CNIH2: variants seen among roughly 807,000 people sequenced by gnomAD.
The protein encoded by CNIH2 is protein cornichon homolog 2.
A neutral mutation model predicts 22.9 loss-of-function variants in CNIH2; 8 were observed. The observed-to-expected ratio is 0.35, with a 90% confidence interval of 0.20 to 0.63. The LOEUF (loss-of-function observed/expected upper bound fraction) is 0.63. Among genes scored for constraint, CNIH2 ranks in the 30% least tolerant of loss-of-function variants. The probability of loss-of-function intolerance (pLI) is 0.72; values close to 1 mark genes in which losing one functional copy is unlikely to be tolerated. For synonymous variants in CNIH2, 74 were observed against 78.2 expected, an observed-to-expected ratio of 0.95 and a Z score of 0.28; for missense variants, 105 against 206.2, an observed-to-expected ratio of 0.51 and a Z score of 3.01.
At chr11:66,278,783 C>T (rs1044353419) in intron 1 of CNIH2, among the ~76,000 whole-genome samples, 1 of 150,296 alleles carries the variant, frequency 6.7e-6, no homozygotes, top group African/African-American at 2.5e-5. Context: ...CCTCTGCCCT[C>T]GTCCTCTGCT....
At chr11:66,282,428 G>GTCTT in intron 2 of CNIH2, 101 bp downstream of exon 2, 1 of 713,854 alleles carries the variant, frequency 1.4e-6, no homozygotes. Context: ...TGGGGTGGGG[G>GTCTT]GCCTACGGCC....
chr11:66,278,920 C>CG (rs937860660), intron 1 of CNIH2, among the ~76,000 whole-genome samples: 1 of 97,554 alleles, frequency 1.0e-5, no homozygotes, highest in African/African-American at 3.7e-5. Context: ...CTGCTGCCCC[C>CG]CCCCCCCCGC....
At chr11:66,279,750 T>C (rs1364339207) in intron 1 of CNIH2, among the ~76,000 whole-genome samples, 4 of 152,082 alleles carry the variant, frequency 2.6e-5, no homozygotes, top group Non-Finnish European at 5.9e-5. Context: ...CACCTTGCTC[T>C]TTGACATCGG....
intron 1 of CNIH2, among the ~76,000 whole-genome samples, chr11:66,279,758 C>T (rs866760652): frequency 1.3e-4 from 20 of 152,088 alleles, no homozygotes; most frequent in South Asian, 2.1e-4. Context: ...TCTTTGACAT[C>T]GGGAATCCAT....
rs749268222 is a variant in CNIH2 at position 66,283,523 on chromosome 11, T to G, written c.456-47T>G. ...GGGTGTGACCAGGTGGGCATCTGGG[T>G]GGCTGTGTGTGTGCAGGGCTAGGCT... On this transcript the variant is annotated intron_variant, in intron 5 of 5. Transcript: ENST00000311445. 29 of 1,606,164 alleles carry G rather than the reference T, an allele frequency of 1.8e-5. No homozygotes were observed. The South Asian group carries it at 2.3e-4, about 13-fold the overall frequency.
intron 1 of CNIH2, 123 bp from the exon 2 acceptor site, chr11:66,282,130 CTCGGTT>C: frequency 1.2e-6 from 1 of 800,474 alleles, no homozygotes; most frequent in Admixed American, 2.0e-5. Context: ...CTCCCTGGAC[CTCGGTT>C]TCTCCACCTT....
chr11:66,282,429 G>GGGGGGGGGGGGCT, intron 2 of CNIH2, 102 bp downstream of exon 2: 1 of 479,466 alleles, frequency 2.1e-6, no homozygotes, highest in Non-Finnish European at 4.2e-6. Flanking sequence ...GGGGTGGGGG[G>GGGGGGGGGGGGCT]CCTACGGCCA....
chr11:66,282,429 G>GGGGGGGGGGGGGGGGGGGGGGGGGGGGGC, intron 2 of CNIH2, 102 bp downstream of exon 2: 1 of 479,464 alleles, frequency 2.1e-6, no homozygotes, highest in East Asian at 5.8e-5. Flanking sequence ...GGGGTGGGGG[G>GGGGGGGGGGGGGGGGGGGGGGGGGGGGGC]CCTACGGCCA....
chr11:66,280,969 C>T (rs947336617), intron 1 of CNIH2, among the ~76,000 whole-genome samples: 1 of 152,206 alleles, frequency 6.6e-6, no homozygotes, highest in African/African-American at 2.4e-5. Flanking sequence ...CCCATCCCAT[C>T]ATCCCCTCAA....
intron 1 of CNIH2, among the ~76,000 whole-genome samples, chr11:66,282,002 G>A (rs1590891907): frequency 6.6e-6 from 1 of 152,118 alleles, no homozygotes; most frequent in Non-Finnish European, 1.5e-5. Flanking sequence ...GGGCAGACAC[G>A]AAGCCATGTC....
rs1232633868 is a variant in CNIH2 at position 66,283,275 on chromosome 11, T to C, written c.339T>C (p.Ser113=). 1.2e-6 allele frequency: 2 copies of C among 1,613,956 alleles called. No individual in the cohort carries two copies. The highest frequency in any genetic ancestry group is 2.2e-5 in the East Asian group (1 of 44,880). The part of the protein sequence containing the change: ...WRYFHRPADG[S]EVMYDAVSIM... Reference sequence around the variant, plus strand: ...ACTTCCACCGTCCTGCAGATGGCTCTGAGGTCATGTATGATGCGGTCTCCA... The same window carrying C: ...ACTTCCACCGTCCTGCAGATGGCTCCGAGGTCATGTATGATGCGGTCTCCA... Residue 113 remains serine, a synonymous_variant, in exon 5 of 6, where the codon TCT becomes TCC. Transcript: ENST00000311445.
At chr11:66,282,429 G>GGGGGGGGGGGGCC in intron 2 of CNIH2, 102 bp downstream of exon 2, 10 of 479,392 alleles carry the variant, frequency 2.1e-5, no homozygotes, top group East Asian at 1.2e-4. Context: ...GGGGTGGGGG[G>GGGGGGGGGGGGCC]CCTACGGCCA....
chr11:66,281,671 C>T (rs990230695), intron 1 of CNIH2: 1 of 358,126 alleles, frequency 2.8e-6, no homozygotes, highest in Non-Finnish European at 5.5e-6. Flanking sequence ...TTTCTTCCTG[C>T]TCGCTGCGCT....
At chr11:66,279,377 C>G (rs1424277275) in intron 1 of CNIH2, among the ~76,000 whole-genome samples, 2 of 152,128 alleles carry the variant, frequency 1.3e-5, no homozygotes, top group Non-Finnish European at 2.9e-5. Context: ...CGTCCCCTCA[C>G]TACAGAACTA....
At chr11:66,279,902 C>T (rs1234303784) in intron 1 of CNIH2, among the ~76,000 whole-genome samples, 1 of 152,170 alleles carries the variant, frequency 6.6e-6, no homozygotes, top group Non-Finnish European at 1.5e-5. Context: ...TCCCCCTCTC[C>T]CCCGCACCCC....
Position 66,282,646 on chromosome 11 carries a change from C to T in CNIH2, c.151-87C>T, listed in dbSNP as rs993988889. ...GTGCCGCAGAGATCGCTCTGGCGCC[C>T]CCTGGCGGCCACATGTGGAGCGGTG... On this transcript the variant is annotated intron_variant, in intron 2 of 5. Transcript: ENST00000311445. 3.4e-6 allele frequency: 5 copies of T among 1,484,248 alleles called. No individual in the cohort carries two copies. The Admixed American group carries it at 7.0e-5, about 21-fold the overall frequency. The allele number at this position is 1,484,248 out of a possible 1,614,324, so 91.9% of individuals were successfully genotyped here. A position where few individuals can be genotyped will look rare whatever the true frequency, so the allele number is the denominator to read the frequency against.
chr11:66,283,652 C>G lies in CNIH2; in HGVS notation c.*55C>G, dbSNP rs1243469216. The G allele has an allele frequency of 3.9e-6, 6 of 1,545,294 alleles. No homozygotes were observed. Among genetic ancestry groups the G allele is most frequent in the Admixed American group, 2.0e-5 (1 of 50,856 alleles). On this transcript the variant is annotated 3_prime_UTR_variant, in exon 6 of 6. Transcript: ENST00000311445. ...AACGGACCGGACGCCTGTGCACCCC[C>G]AGCCCTGCCCCTTGGCCGCAGAGGC...
intron 2 of CNIH2, 188 bp downstream of exon 2, chr11:66,282,515 G>C (rs943601759): frequency 1.1e-6 from 1 of 874,006 alleles, no homozygotes. Flanking sequence ...TTGGCGGGGC[G>C]GTGGTTGCCA....
Position 66,278,476 on chromosome 11 carries a change from C to G in CNIH2, c.20C>G (p.Ala7Gly). Residue 7 changes from alanine (A) to glycine (G), a missense_variant, in exon 1 of 6, where the codon GCG (alanine) becomes GGG (glycine). By Grantham distance (60) the Ala-to-Gly change is moderately conservative (BLOSUM62 0). Coordinates refer to ENST00000311445, the MANE Select transcript of CNIH2 (RefSeq NM_182553.3). ...GGGGCCATGGCGTTCACCTTCGCCGCGTTCTGCTACATGCTCACCCTGGTG... is the reference window on the plus strand; with the variant it reads ...GGGGCCATGGCGTTCACCTTCGCCGGGTTCTGCTACATGCTCACCCTGGTG... MAFTFAAFCYMLTLVLC... is the reference protein window; with the variant it reads MAFTFAGFCYMLTLVLC... 1 of 1,458,820 alleles carries G rather than the reference C, an allele frequency of 6.9e-7. No homozygotes were observed. The highest frequency in any genetic ancestry group is 9.1e-7 in the Non-Finnish European group (1 of 1,097,940). 90.4% of individuals were successfully genotyped at this position (1,458,820 alleles called of 1,614,324 possible).
Sources: gnomAD v4.1 joint callset for allele counts (sites outside exome capture counted in the v4.1 genomes callset) on GRCh38, gnomAD v4.1.1 for gene constraint, MANE v1.5 for transcripts, NCBI Gene and HGNC (gene_info 2026-07-23, HGNC 2026-07-21) for gene names.